UNC80: variants seen among roughly 807,000 people sequenced by gnomAD.
UNC80 encodes the protein protein unc-80 homolog.
UNC80 carries 164 observed loss-of-function variants against 384.6 expected under a neutral mutation model. The ratio of observed to expected loss-of-function variants is 0.43; its 90% CI spans 0.38 to 0.49. The LOEUF is 0.49. UNC80 is among the 20% of genes least tolerant of loss of function. The pLI, the probability that UNC80 is intolerant of heterozygous loss-of-function variation, is 0.00. For synonymous variants in UNC80, 1,486 were observed against 1,527.8 expected, an observed-to-expected ratio of 0.97 and a Z score of 0.64; for missense variants, 3,330 against 4,143.0, an observed-to-expected ratio of 0.80 and a Z score of 5.39.
At chr2:209,945,311 G>A (rs2091861838) in intron 46 of UNC80, 122 bp downstream of exon 46, 3 of 1,049,682 alleles carry the variant, frequency 2.9e-6, no homozygotes, top group South Asian at 2.5e-5. Context: ...AATCAAAGTA[G>A]CAAAAATAAA....
intron 31 of UNC80, among the ~76,000 whole-genome samples, chr2:209,917,322 A>G (rs2089630001): frequency 6.6e-6 from 1 of 152,030 alleles, no homozygotes; most frequent in African/African-American, 2.4e-5. Flanking sequence ...AACCTCTTCT[A>G]TCTCTGGGAA....
In UNC80 at chr2:209,820,357, C is replaced by T. The variant is rs1286729944; in HGVS notation, c.2009C>T (p.Ser670Phe). 19 of 1,551,514 alleles carry T rather than the reference C, an allele frequency of 1.2e-5. No individual in the cohort carries two copies. Among genetic ancestry groups the T allele is most frequent in the Non-Finnish European group, 1.6e-5 (18 of 1,146,886 alleles). The part of the protein sequence containing the change: ...VYLVLNHDIS[S>F]RICDVALNIV... ...CTTGTCCTTAATCATGACATCAGCT[C>T]TCGTATCTGTGACGTGGCGCTAAAC... is the stretch of plus-strand genomic sequence containing the variant. Residue 670 changes from serine (S) to phenylalanine (F), a missense_variant, in exon 13 of 65, where the codon TCT (serine) becomes TTT (phenylalanine). Physicochemically the swap from Ser to Phe is radical, Grantham distance 155. Coordinates refer to ENST00000673920, the MANE Select transcript of UNC80 (RefSeq NM_001371986.1).
Position 209,825,905 on chromosome 2 carries a change from A to C in UNC80, c.2332-2A>C. On this transcript the variant is annotated splice_acceptor_variant, in intron 13 of 64. Coordinates refer to ENST00000673920, the MANE Select transcript of UNC80 (RefSeq NM_001371986.1). LOFTEE classifies it high-confidence loss of function. The stretch of plus-strand genomic sequence containing the variant: ...TCTTTCTTTCTCATTCGTGGGTACC[A>C]GGATGAAAGTACACCTGTAAGCAAC... 1 of 1,532,022 alleles carries C rather than the reference A, an allele frequency of 6.5e-7. No homozygotes were observed. The highest frequency in any genetic ancestry group is 8.8e-7 in the Non-Finnish European group (1 of 1,139,814). The allele number at this position is 1,532,022 out of a possible 1,614,324, so 94.9% of individuals were successfully genotyped here.
At chr2:209,926,607 T>A (rs2090454060) in intron 35 of UNC80, among the ~76,000 whole-genome samples, 1 of 152,022 alleles carries the variant, frequency 6.6e-6, no homozygotes, top group Non-Finnish European at 1.5e-5. Context: ...TGAGGACTCA[T>A]CCTACAAAAA....
intron 44 of UNC80, among the ~76,000 whole-genome samples, chr2:209,941,708 C>T (rs2091644284): frequency 6.6e-6 from 1 of 152,172 alleles, no homozygotes; most frequent in Non-Finnish European, 1.5e-5. Flanking sequence ...TTTCCCATTT[C>T]GTCTAGGACA....
At chr2:209,799,239 C>T (rs922577994) in intron 7 of UNC80, among the ~76,000 whole-genome samples, 2 of 151,950 alleles carry the variant, frequency 1.3e-5, no homozygotes, top group African/African-American at 4.8e-5. Flanking sequence ...TTTGTGTCCT[C>T]TTATTTCCCT....
In UNC80 at chr2:209,844,472, TTTCTTTCCTTCCTTCCTTCCTTCCTTCC is replaced by T. The variant is rs60330268; in HGVS notation, c.3454+2030_3454+2057del. 9.8e-3 allele frequency among the ~76,000 whole-genome samples: 759 copies of T among 77,136 alleles called. 32 individuals carry two copies. Among genetic ancestry groups the T allele is most frequent in the African/African-American group, 0.026 (606 of 23,150 alleles). 50.6% of individuals were successfully genotyped at this position (77,136 alleles called of 152,430 possible). A position where few individuals can be genotyped will look rare whatever the true frequency, so the allele number is the denominator to read the frequency against. ...TTTCTTTTCTTTCTTTCTTTCTTTC[TTTCTTTCCTTCCTTCCTTCCTTCCTTCC>T]TTCCTTCCTTCCTTCCTTCCTTCCT... is the stretch of plus-strand genomic sequence containing the variant. On this transcript the variant is annotated intron_variant, in intron 21 of 64. Coordinates refer to ENST00000673920, the MANE Select transcript of UNC80 (RefSeq NM_001371986.1).
At chr2:209,969,524 A>T (rs112546126) in intron 52 of UNC80, 14,398 of 502,070 alleles carry the variant, frequency 0.029, 514 homozygotes, top group South Asian at 0.13. Context: ...ATTAAAATGC[A>T]ACCCATTCAT....
At chr2:209,983,445 G>T (rs1267466563) in intron 60 of UNC80, among the ~76,000 whole-genome samples, 1 of 152,046 alleles carries the variant, frequency 6.6e-6, no homozygotes, top group Admixed American at 6.6e-5. Context: ...GTAAGAAATT[G>T]TTTTACCTAC....
chr2:209,783,286 T>C (rs752498829), intron 4 of UNC80, among the ~76,000 whole-genome samples: 2 of 152,120 alleles, frequency 1.3e-5, no homozygotes, highest in Non-Finnish European at 2.9e-5. Context: ...TCTCCAGTTA[T>C]TGAGTTTCTG....
intron 59 of UNC80, among the ~76,000 whole-genome samples, chr2:209,981,251 AAAGTT>A (rs1288398500): frequency 6.6e-6 from 1 of 152,252 alleles, no homozygotes; most frequent in Non-Finnish European, 1.5e-5. Context: ...ATACTGTGCT[AAAGTT>A]AATTTTCATA....
intron 36 of UNC80, among the ~76,000 whole-genome samples, chr2:209,927,502 A>G (rs1470481613): frequency 5.9e-5 from 9 of 152,266 alleles, no homozygotes; most frequent in Non-Finnish European, 8.8e-5. Flanking sequence ...AAACCCCATT[A>G]GAAAACTGGG....
chr2:209,865,968 C>T (rs1660759066), intron 22 of UNC80, among the ~76,000 whole-genome samples: 1 of 152,186 alleles, frequency 6.6e-6, no homozygotes, highest in African/African-American at 2.4e-5. Context: ...GCTTAATTGA[C>T]AATCCTTTAT....
chr2:209,867,269 C>T (rs2083910351), intron 22 of UNC80, among the ~76,000 whole-genome samples: 1 of 152,152 alleles, frequency 6.6e-6, no homozygotes, highest in African/African-American at 2.4e-5. Context: ...TTATTTTATC[C>T]ATCTTCCTAA....
chr2:209,792,471 C>A lies in UNC80; in HGVS notation c.799-1249C>A, dbSNP rs1169909614. On this transcript the variant is annotated intron_variant, in intron 6 of 64. Coordinates refer to ENST00000673920, the MANE Select transcript of UNC80 (RefSeq NM_001371986.1). Reference sequence around the variant, plus strand: ...CATGCCATTCTTCTGCCTCAGCCTCCCGAGTAGCTGGGACTACAGGCGCCC... The same window carrying A: ...CATGCCATTCTTCTGCCTCAGCCTCACGAGTAGCTGGGACTACAGGCGCCC... Among the ~76,000 whole-genome samples the A allele has an allele frequency of 2.0e-5, 3 of 152,158 alleles. No individual in the cohort carries two copies. The East Asian group carries it at 5.8e-4, about 29-fold the overall frequency.
intron 51 of UNC80, among the ~76,000 whole-genome samples, chr2:209,964,584 C>G (rs1051743773): frequency 1.3e-5 from 2 of 151,994 alleles, no homozygotes; most frequent in Admixed American, 6.6e-5. Context: ...GTCAAGAGAT[C>G]GAGACCATCC....
intron 2 of UNC80, among the ~76,000 whole-genome samples, chr2:209,775,171 G>A (rs2076793918): frequency 6.6e-6 from 1 of 152,178 alleles, no homozygotes. Flanking sequence ...AAGTAGGTCA[G>A]AGTTGTTACT....
At chr2:209,784,150 T>C (rs962755932) in intron 4 of UNC80, among the ~76,000 whole-genome samples, 1 of 152,198 alleles carries the variant, frequency 6.6e-6, no homozygotes, top group African/African-American at 2.4e-5. Flanking sequence ...TTCTGTAAGC[T>C]GTGTCTTCAA....
In UNC80 at chr2:209,959,166, C is replaced by A; in HGVS notation, c.7586+12C>A. ...CTGCACTTTATCAGGTACAGAAAGA[C>A]TTGCTCTAATTTCATACCAGTTCTG... On this transcript the variant is annotated intron_variant, in intron 50 of 64. Coordinates refer to ENST00000673920, the MANE Select transcript of UNC80 (RefSeq NM_001371986.1). The A allele has an allele frequency of 6.4e-7, 1 of 1,551,940 alleles. No individual in the cohort carries two copies.
Sources: allele counts gnomAD v4.1 joint callset (sites outside exome capture counted in the v4.1 genomes callset), GRCh38; gene constraint gnomAD v4.1.1; transcripts MANE v1.5; gene names NCBI Gene and HGNC (gene_info 2026-07-23, HGNC 2026-07-21).